Variants in DTX3L observed in about 807,000 individuals in gnomAD.
The protein encoded by DTX3L is E3 ubiquitin-protein ligase DTX3L.
DTX3L carries 34 observed loss-of-function variants against 60.9 expected under a neutral mutation model. The ratio of observed to expected loss-of-function variants is 0.56; its 90% CI spans 0.42 to 0.74. The LOEUF (loss-of-function observed/expected upper bound fraction) is 0.74. Among genes scored for constraint, DTX3L ranks in the 30% least tolerant of loss-of-function variants. The probability of loss-of-function intolerance (pLI) is 0.00; values close to 1 mark genes in which losing one functional copy is unlikely to be tolerated. For missense variants in DTX3L, 810 were observed against 874.0 expected (o/e 0.93, Z 0.92); for synonymous variants, 290 against 316.6 (o/e 0.92, Z 0.89).
chr3:122,569,984 C>T lies in DTX3L; in HGVS notation c.1895C>T (p.Thr632Ile), dbSNP rs201809127. The T allele has an allele frequency of 3.7e-6, 6 of 1,614,064 alleles. No homozygotes were observed. In the East Asian group the frequency reaches 1.1e-4, roughly 30 times the overall value. ...DSLPGYESFG[T>I]IVITYSMKAG... ...CTTCCAGGTTATGAGTCCTTTGGCA[C>T]CATTGTGATTACTTATTCTATGAAA... Residue 632 changes from threonine to isoleucine, a missense_variant, in exon 3 of 5, where the codon ACC becomes ATC. Thr to Ile is a moderately conservative substitution (Grantham distance 89, BLOSUM62 -1). Transcript: ENST00000296161.
intron 2 of DTX3L, among the ~76,000 whole-genome samples, chr3:122,567,505 G>C (rs1380072530): frequency 1.3e-5 from 2 of 152,126 alleles, no homozygotes; most frequent in African/African-American, 2.4e-5. Flanking sequence ...CAAAACATTA[G>C]GAATTTTGCT....
At position 122,568,525 on chromosome 3, in the gene DTX3L, C is replaced by A; in HGVS notation, c.436C>A (p.Leu146Met). 1 of 1,612,680 alleles carries A rather than the reference C, an allele frequency of 6.2e-7. No homozygotes were observed. The highest frequency in any genetic ancestry group is 1.1e-5 in the South Asian group (1 of 90,674). Reference protein sequence around the residue: ...LTVTADLNCNLFSKEQRAYIT... With the variant: ...LTVTADLNCNMFSKEQRAYIT... ...TGTAACAGCTGACCTGAACTGTAAC[C>A]TGTTCTCCAAAGAGCAGAGGGCATA... Residue 146 changes from leucine to methionine, a missense_variant, in exon 3 of 5, where the codon CTG becomes ATG. Leu to Met is a conservative substitution (Grantham distance 15, BLOSUM62 2). Transcript: ENST00000296161.
Position 122,571,624 on chromosome 3 carries a change from T to C in DTX3L, c.2154-54T>C, listed in dbSNP as rs551194991. 5.7e-5 allele frequency: 76 copies of C among 1,337,482 alleles called. 1 individual carries two copies. In the South Asian group the frequency reaches 7.1e-4, roughly 13 times the overall value. 82.9% of individuals were successfully genotyped at this position (1,337,482 alleles called of 1,614,324 possible). On this transcript the variant is annotated intron_variant, in intron 4 of 4. Transcript: ENST00000296161. ...TAAATCCTTAAATGCTGGATATCTA[T>C]TGCACATATCCGAACAATTTGTGGT...
Position 122,568,797 on chromosome 3 carries a change from T to C in DTX3L, c.708T>C (p.Phe236=). The change falls in exon 3 of 5, where the codon TTT becomes TTC. Residue 236 remains phenylalanine (F), a synonymous_variant. Transcript: ENST00000296161. ...ETKAEQKSNY[F]EVPLPYFEYF... ...AGGCAGAACAAAAAAGCAACTATTT[T>C]GAAGTTCCCTTGCCTTACTTTGAAT... 1 of 1,614,076 alleles carries C rather than the reference T, an allele frequency of 6.2e-7. No homozygotes were observed. Among genetic ancestry groups the C allele is most frequent in the Non-Finnish European group, 8.5e-7 (1 of 1,180,036 alleles).
Position 122,573,241 on chromosome 3 carries a change from C to T in DTX3L, c.*1494C>T, listed in dbSNP as rs2080656988. 1.3e-5 allele frequency: 2 copies of T among 152,158 alleles called. No homozygotes were observed. Among genetic ancestry groups the T allele is most frequent in the Non-Finnish European group, 2.9e-5 (2 of 68,040 alleles). 9.4% of individuals were successfully genotyped at this position (152,158 alleles called of 1,614,324 possible). ...GGAATCTGCCCCCATGACCCAGACC[C>T]CTCCCGTTAGGCTTCACCTCCAACA... is the stretch of plus-strand genomic sequence containing the variant. On this transcript the variant is annotated 3_prime_UTR_variant, in exon 5 of 5. Transcript: ENST00000296161.
intron 4 of DTX3L, 104 bp downstream of exon 4, chr3:122,570,776 T>C (rs1171855744): frequency 8.0e-7 from 1 of 1,251,488 alleles, no homozygotes; most frequent in South Asian, 1.4e-5. Context: ...GCAGTGGAAT[T>C]GGTGTTTTGA....
rs2080667304 is a variant in DTX3L at position 122,574,189 on chromosome 3, C to T, written c.*2442C>T. 6.6e-6 allele frequency: 1 copy of T among 152,138 alleles called. No individual in the cohort carries two copies. Among genetic ancestry groups the T allele is most frequent in the African/African-American group, 2.4e-5 (1 of 41,428 alleles). The allele number at this position is 152,138 out of a possible 1,614,324, so 9.4% of individuals were successfully genotyped here. Reference sequence around the variant, plus strand: ...AACTTACTCTAGTTTCCATCTCTATCATTTTATAATAACCGTAGCCCACAT... The same window carrying T: ...AACTTACTCTAGTTTCCATCTCTATTATTTTATAATAACCGTAGCCCACAT... On this transcript the variant is annotated 3_prime_UTR_variant, in exon 5 of 5. Coordinates refer to ENST00000296161, the MANE Select transcript of DTX3L (RefSeq NM_138287.3).
intron 1 of DTX3L, among the ~76,000 whole-genome samples, chr3:122,565,145 A>G (rs1306746889): frequency 6.6e-6 from 1 of 152,168 alleles, no homozygotes; most frequent in Non-Finnish European, 1.5e-5. Flanking sequence ...CAGCAAACAC[A>G]TGTATATTTA....
chr3:122,572,743 A>G lies in DTX3L; in HGVS notation c.*996A>G, dbSNP rs1211748635. On this transcript the variant is annotated 3_prime_UTR_variant, in exon 5 of 5. Coordinates refer to ENST00000296161, the MANE Select transcript of DTX3L (RefSeq NM_138287.3). ...CAGGTGTGTGCCTCCACACCCGGCT[A>G]ATTTTTTGTATTTTTAGTAGAGACG... 6.6e-6 allele frequency: 1 copy of G among 151,906 alleles called. No individual in the cohort carries two copies. Among genetic ancestry groups the G allele is most frequent in the Non-Finnish European group, 1.5e-5 (1 of 68,014 alleles). The allele number at this position is 151,906 out of a possible 1,614,324, so 9.4% of individuals were successfully genotyped here. A position where few individuals can be genotyped will look rare whatever the true frequency, so the allele number is the denominator to read the frequency against.
chr3:122,565,369 G>A (rs896147873), intron 1 of DTX3L, among the ~76,000 whole-genome samples: 4 of 151,810 alleles, frequency 2.6e-5, no homozygotes, highest in Admixed American at 6.6e-5. Context: ...AAAATTACCC[G>A]GGCATGGTGG....
rs200392692 is a variant in DTX3L at position 122,569,804 on chromosome 3, A to C, written c.1715A>C (p.Lys572Thr). The C allele has an allele frequency of 1.2e-6, 2 of 1,614,174 alleles. No individual in the cohort carries two copies. Among genetic ancestry groups the C allele is most frequent in the East Asian group, 4.5e-5 (2 of 44,884 alleles). The change falls in exon 3 of 5, where the codon AAA becomes ACA. Residue 572 changes from lysine (K) to threonine (T), a missense_variant. Physicochemically the swap from Lys to Thr is moderately conservative, Grantham distance 78. Coordinates refer to ENST00000296161, the MANE Select transcript of DTX3L (RefSeq NM_138287.3). ...VICMDTISNK[K>T]VLPKCKHEFC... The stretch of plus-strand genomic sequence containing the variant: ...TGTATGGACACCATTAGTAACAAAA[A>C]AGTGCTACCAAAGTGCAAGCATGAA...
At chr3:122,570,717 G>T in intron 4 of DTX3L, 45 bp downstream of exon 4, 1 of 1,599,602 alleles carries the variant, frequency 6.3e-7, no homozygotes, top group Non-Finnish European at 8.6e-7. Context: ...AGAGTATAGG[G>T]ATTATGAAAT....
In DTX3L at chr3:122,573,847, T is replaced by A. The variant is rs1465142057; in HGVS notation, c.*2100T>A. 6.6e-6 allele frequency: 1 copy of A among 152,362 alleles called. No homozygotes were observed. The highest frequency in any genetic ancestry group is 6.5e-5 in the Admixed American group (1 of 15,288). 9.4% of individuals were successfully genotyped at this position (152,362 alleles called of 1,614,324 possible). A position where few individuals can be genotyped will look rare whatever the true frequency, so the allele number is the denominator to read the frequency against. Reference sequence around the variant, plus strand: ...TTTTGTTTTGCTTTGTTTTTGTTGTTGTTGTTTTGAGACAGGGTCTCACTG... The same window carrying A: ...TTTTGTTTTGCTTTGTTTTTGTTGTAGTTGTTTTGAGACAGGGTCTCACTG... On this transcript the variant is annotated 3_prime_UTR_variant, in exon 5 of 5. Transcript: ENST00000296161.
chr3:122,572,085 T>C lies in DTX3L; in HGVS notation c.*338T>C. On this transcript the variant is annotated 3_prime_UTR_variant, in exon 5 of 5. Transcript: ENST00000296161. ...CACCATGCCCGGCTAATTTTTGTTT[T>C]TGTATTTTTAGTAGAGACAGGGTTT... 1 of 185,832 alleles carries C rather than the reference T, an allele frequency of 5.4e-6. No homozygotes were observed. Among genetic ancestry groups the C allele is most frequent in the South Asian group, 1.1e-4 (1 of 8,968 alleles). The allele number at this position is 185,832 out of a possible 1,614,324, so 11.5% of individuals were successfully genotyped here.
At position 122,573,211 on chromosome 3, in the gene DTX3L, A is replaced by G. The variant is rs544044826; in HGVS notation, c.*1464A>G. The stretch of plus-strand genomic sequence containing the variant: ...CCATGAGAACAGCACCAAGCCATTC[A>G]TGGGGGAATCTGCCCCCATGACCCA... On this transcript the variant is annotated 3_prime_UTR_variant, in exon 5 of 5. Transcript: ENST00000296161. 1.2e-4 allele frequency: 19 copies of G among 152,306 alleles called. No homozygotes were observed. The highest frequency in any genetic ancestry group is 4.6e-4 in the African/African-American group (19 of 41,564). The allele number at this position is 152,306 out of a possible 1,614,324, so 9.4% of individuals were successfully genotyped here.
Position 122,570,687 on chromosome 3 carries a change from G to T in DTX3L, c.2153+15G>T. The stretch of plus-strand genomic sequence containing the variant: ...GGACCAGAAATGTGAGATCCTTTTG[G>T]GATGTAATGGCTGCTCAACAGAGTA... On this transcript the variant is annotated intron_variant, in intron 4 of 4. Coordinates refer to ENST00000296161, the MANE Select transcript of DTX3L (RefSeq NM_138287.3). The T allele has an allele frequency of 6.2e-7, 1 of 1,613,356 alleles. No individual in the cohort carries two copies. Among genetic ancestry groups the T allele is most frequent in the South Asian group, 1.1e-5 (1 of 91,056 alleles).
At position 122,569,667 on chromosome 3, in the gene DTX3L, A is replaced by T. The variant is rs766897711; in HGVS notation, c.1578A>T (p.Thr526=). The T allele has an allele frequency of 6.2e-7, 1 of 1,614,070 alleles. No homozygotes were observed. Among genetic ancestry groups the T allele is most frequent in the Non-Finnish European group, 8.5e-7 (1 of 1,180,042 alleles). The change falls in exon 3 of 5, where the codon ACA becomes ACT. Residue 526 remains threonine (T), a synonymous_variant. Coordinates refer to ENST00000296161, the MANE Select transcript of DTX3L (RefSeq NM_138287.3). The part of the protein sequence containing the change: ...AGKKLKEGHE[T]PMDIDSDDSK... ...AGAAATTGAAAGAGGGTCATGAAAC[A>T]CCGATGGACATTGATAGCGATGATT...
rs2080647693 is a variant in DTX3L, at chr3:122,571,828, T to G, written c.*81T>G. On this transcript the variant is annotated 3_prime_UTR_variant, in exon 5 of 5. Coordinates refer to ENST00000296161, the MANE Select transcript of DTX3L (RefSeq NM_138287.3). ...GCTGATTTAATGCCAGTCTAAATCC[T>G]TATGTAGAAAGGACTTTGAAATTTT... The G allele has an allele frequency of 8.2e-7, 1 of 1,212,724 alleles. No individual in the cohort carries two copies. The highest frequency in any genetic ancestry group is 1.5e-5 in the African/African-American group (1 of 65,216). The allele number at this position is 1,212,724 out of a possible 1,614,324, so 75.1% of individuals were successfully genotyped here. A position where few individuals can be genotyped will look rare whatever the true frequency, so the allele number is the denominator to read the frequency against.
chr3:122,565,375 G>A (rs1358670613), intron 1 of DTX3L, among the ~76,000 whole-genome samples: 2 of 151,944 alleles, frequency 1.3e-5, no homozygotes, highest in African/African-American at 2.4e-5. Context: ...ACCCGGGCAT[G>A]GTGGTGCGCA....
Sources: allele counts gnomAD v4.1 joint callset (sites outside exome capture counted in the v4.1 genomes callset), GRCh38; gene constraint gnomAD v4.1.1; transcripts MANE v1.5; gene names NCBI Gene and HGNC (gene_info 2026-07-23, HGNC 2026-07-21).